Variants in MARCHF4 observed in about 807,000 individuals in gnomAD.
MARCHF4 encodes membrane associated ring-CH-type finger 4.
In MARCHF4, 14 loss-of-function variants were observed where a neutral mutation model predicts 43.9. The ratio of observed to expected loss-of-function variants is 0.32; its 90% confidence interval spans 0.21 to 0.50. The LOEUF is 0.50. Ranked by LOEUF, MARCHF4 falls within the 20% of genes least tolerant of loss-of-function variation. The pLI, the probability that MARCHF4 is intolerant of heterozygous loss-of-function variation, is 0.98. For missense variants in MARCHF4, 468 were observed against 536.7 expected (o/e 0.87, Z 1.27); for synonymous variants, 226 against 213.3 (o/e 1.06, Z -0.52).
chr2:216,264,200 G>T (rs948444155), intron 3 of MARCHF4, among the ~76,000 whole-genome samples: 2 of 152,142 alleles, frequency 1.3e-5, no homozygotes, highest in Non-Finnish European at 2.9e-5. Context: ...TCGAAAAAGA[G>T]GTAGTCTCAG....
chr2:216,270,556 C>T (rs755169966), intron 3 of MARCHF4, among the ~76,000 whole-genome samples: 8 of 152,114 alleles, frequency 5.3e-5, no homozygotes, highest in African/African-American at 1.4e-4. Context: ...TTAGTACTGC[C>T]TTCTCCTCCT....
intron 1 of MARCHF4, among the ~76,000 whole-genome samples, chr2:216,357,917 A>G (rs1010419010): frequency 2.0e-5 from 3 of 152,226 alleles, no homozygotes; most frequent in Non-Finnish European, 4.4e-5. Flanking sequence ...CTCCTGACAG[A>G]TGATATTATG....
In MARCHF4 at chr2:216,277,359, C is replaced by T. The variant is rs1264078127; in HGVS notation, c.865+313G>A. On this transcript the variant is annotated intron_variant, in intron 3 of 3. Coordinates refer to ENST00000273067, the MANE Select transcript of MARCHF4 (RefSeq NM_020814.3). ...TATAGGGTGCACAGTGGAGAGGAGG[C>T]CATGCACATCCTGCTTGAAGTACAT... 3.3e-5 allele frequency among the ~76,000 whole-genome samples: 5 copies of T among 152,204 alleles called. No homozygotes were observed. The East Asian group carries it at 9.6e-4, about 29-fold the overall frequency.
At chr2:216,314,974 T>G (rs1463957090) in intron 1 of MARCHF4, among the ~76,000 whole-genome samples, 4 of 152,192 alleles carry the variant, frequency 2.6e-5, no homozygotes. Context: ...ATTTTTAAAT[T>G]CTTCATGGCA....
intron 1 of MARCHF4, among the ~76,000 whole-genome samples, chr2:216,351,994 C>T (rs544970347): frequency 8.5e-5 from 13 of 152,272 alleles, no homozygotes; most frequent in African/African-American, 2.4e-4. Flanking sequence ...ATTCCAAGTG[C>T]TGAGAAAACT....
intron 1 of MARCHF4, among the ~76,000 whole-genome samples, chr2:216,347,082 G>A (rs1259932566): frequency 6.6e-6 from 1 of 152,170 alleles, no homozygotes; most frequent in African/African-American, 2.4e-5. Context: ...TCAGTTTCCT[G>A]AGGCCTCCTC....
intron 1 of MARCHF4, among the ~76,000 whole-genome samples, chr2:216,329,984 T>G (rs1265856387): frequency 2.6e-5 from 4 of 152,084 alleles, no homozygotes; most frequent in African/African-American, 9.6e-5. Context: ...CTTGGGAGGC[T>G]GAGGCAAGAG....
chr2:216,331,815 G>A (rs980594199), intron 1 of MARCHF4, among the ~76,000 whole-genome samples: 6 of 152,146 alleles, frequency 3.9e-5, no homozygotes, highest in Admixed American at 1.3e-4. Flanking sequence ...CAGACTAAAA[G>A]AGAATTTCTA....
At chr2:216,322,083 A>G (rs1477095252) in intron 1 of MARCHF4, among the ~76,000 whole-genome samples, 1 of 152,194 alleles carries the variant, frequency 6.6e-6, no homozygotes. Flanking sequence ...ACAATGAGGT[A>G]TACTTAAGGG....
chr2:216,317,391 C>T (rs557108855), intron 1 of MARCHF4, among the ~76,000 whole-genome samples: 1 of 151,276 alleles, frequency 6.6e-6, no homozygotes, highest in South Asian at 2.1e-4. Context: ...TGGGTGCCCA[C>T]ATGCAACATC....
At position 216,370,962 on chromosome 2, in the gene MARCHF4, T is replaced by C. The variant is rs922940916; in HGVS notation, c.-702A>G. 2 of 151,344 alleles carry C rather than the reference T, an allele frequency of 1.3e-5. No homozygotes were observed. Among genetic ancestry groups the C allele is most frequent in the Non-Finnish European group, 2.9e-5 (2 of 67,870 alleles). The allele number at this position is 151,344 out of a possible 1,614,324, so 9.4% of individuals were successfully genotyped here. ...ACCAGAGTTGCTTTTAAGAGAGCAG[T>C]TGGGTGGGGGAGGGGTGTTGCAGGT... On this transcript the variant is annotated 5_prime_UTR_variant, in exon 1 of 4. Transcript: ENST00000273067.
intron 1 of MARCHF4, among the ~76,000 whole-genome samples, chr2:216,361,849 C>T (rs1692588102): frequency 6.6e-6 from 1 of 152,154 alleles, no homozygotes; most frequent in Non-Finnish European, 1.5e-5. Context: ...GGCTCCATTC[C>T]AGGTCTCTGA....
chr2:216,288,460 A>G (rs1691254171), intron 1 of MARCHF4, among the ~76,000 whole-genome samples: 1 of 152,194 alleles, frequency 6.6e-6, no homozygotes, highest in African/African-American at 2.4e-5. Flanking sequence ...ACGACCGCCT[A>G]AAGAAAAGAG....
At chr2:216,369,506 A>G (rs1160251159) in intron 1 of MARCHF4, among the ~76,000 whole-genome samples, 1 of 152,210 alleles carries the variant, frequency 6.6e-6, no homozygotes, top group Non-Finnish European at 1.5e-5. Context: ...GGAATTGGAG[A>G]CACTAGCATT....
At chr2:216,317,655 C>T (rs1404410687) in intron 1 of MARCHF4, among the ~76,000 whole-genome samples, 1 of 152,166 alleles carries the variant, frequency 6.6e-6, no homozygotes, top group Non-Finnish European at 1.5e-5. Flanking sequence ...CTCAAGTGAT[C>T]CACCCCCCTT....
intron 1 of MARCHF4, chr2:216,321,699 G>GT (rs1340014704): frequency 6.6e-6 from 1 of 152,230 alleles, no homozygotes; most frequent in Admixed American, 6.5e-5. Flanking sequence ...AAGAGACAAA[G>GT]TGACTGGTGA....
Position 216,369,762 on chromosome 2 carries a change from A to G in MARCHF4, c.499T>C (p.Phe167Leu). ...GMRTPLCRICFQGPEQGELLS... is the reference protein window; with the variant it reads ...GMRTPLCRICLQGPEQGELLS... ...GGACTCACCTGTTCTGGCCCCTGGA[A>G]GCAGATGCGGCAGAGTGGGGTCCTC... is the stretch of plus-strand genomic sequence containing the variant. The change falls in exon 1 of 4, where the codon TTC (phenylalanine) becomes CTC (leucine). Residue 167 changes from phenylalanine (F) to leucine (L), a missense_variant. Physicochemically the swap from Phe to Leu is conservative, Grantham distance 22. Around this residue, in one of 3 missense-constraint regions of MARCHF4, gnomAD observed 158 missense variants for 251.1 expected, o/e 0.63. Transcript: ENST00000273067. The G allele has an allele frequency of 6.3e-7, 1 of 1,594,582 alleles. No individual in the cohort carries two copies. Among genetic ancestry groups the G allele is most frequent in the Admixed American group, 1.7e-5 (1 of 58,964 alleles).
At chr2:216,278,257 G>C (rs1275747115) in intron 2 of MARCHF4, among the ~76,000 whole-genome samples, 1 of 152,054 alleles carries the variant, frequency 6.6e-6, no homozygotes, top group Non-Finnish European at 1.5e-5. Flanking sequence ...TGGAGTCTTT[G>C]CTCTGTCGCC....
chr2:216,332,126 C>T (rs756891595), intron 1 of MARCHF4, among the ~76,000 whole-genome samples: 13 of 152,152 alleles, frequency 8.5e-5, no homozygotes, highest in Non-Finnish European at 1.5e-4. Flanking sequence ...CACAGTGGCT[C>T]ATGCCTGTAA....
Sources: gnomAD v4.1 joint callset for allele counts (sites outside exome capture counted in the v4.1 genomes callset) on GRCh38, gnomAD v4.1.1 for gene constraint, gnomAD v4.1.1 regional missense constraint, MANE v1.5 for transcripts, NCBI Gene and HGNC (gene_info 2026-07-23, HGNC 2026-07-21) for gene names.